Variants in BLTP1 observed in about 807,000 individuals in gnomAD.
The protein encoded by BLTP1 is fragile site-associated protein.
At chr4:122,295,850 T>C in the BLTP1 span, among the ~76,000 whole-genome samples, 2 of 152,158 alleles carry the variant, frequency 1.3e-5, no homozygotes, top group East Asian at 3.9e-4. Context: ...ATTATCTCAA[T>C]AGATGCATAA....
At chr4:122,341,925 C>G in the BLTP1 span, 3 of 586,964 alleles carry the variant, frequency 5.1e-6, no homozygotes, top group Non-Finnish European at 2.1e-6. Flanking sequence ...ATACAAAATG[C>G]ACGAAGAAGA....
the BLTP1 span, chr4:122,300,823 G>A: frequency 1.5e-6 from 1 of 655,582 alleles, no homozygotes. Context: ...AGATAGGCAG[G>A]CAGAATGTTT....
chr4:122,302,104 AAACTT>A, the BLTP1 span: 1 of 267,050 alleles, frequency 3.7e-6, no homozygotes, highest in Non-Finnish European at 5.8e-6. Context: ...TTTTAATAGA[AAACTT>A]AATATTTCCA....
the BLTP1 span, chr4:122,248,215 C>G: frequency 2.5e-5 from 18 of 719,284 alleles, no homozygotes; most frequent in Non-Finnish European, 3.1e-5. Flanking sequence ...AGTCCTAAAA[C>G]TGGTGAAAAA....
chr4:122,305,584 C>T, the BLTP1 span: 1 of 981,936 alleles, frequency 1.0e-6, no homozygotes, highest in Non-Finnish European at 1.2e-6. Context: ...CTTGTCATCT[C>T]TTAGAGGTTC....
At chr4:122,188,093 G>GA in the BLTP1 span, 46 of 1,464,584 alleles carry the variant, frequency 3.1e-5, no homozygotes, top group Non-Finnish European at 4.1e-5. Flanking sequence ...TGATGAGTAA[G>GA]AAAATCTTAT....
the BLTP1 span, chr4:122,349,955 A>G: frequency 6.2e-7 from 1 of 1,613,838 alleles, no homozygotes; most frequent in Non-Finnish European, 8.5e-7. This position sits in a 1 kb window ranked among gnomAD's most constrained non-coding sequence, Gnocchi z 4.5. Flanking sequence ...ATGAAGCTCC[A>G]GGAATTTTTC....
At chr4:122,270,917 T>C in the BLTP1 span, 1 of 1,412,030 alleles carries the variant, frequency 7.1e-7, no homozygotes, top group South Asian at 1.5e-5. Context: ...TTAAGACTCA[T>C]ATTTTACCTT....
the BLTP1 span, chr4:122,306,169 T>C: frequency 1.1e-6 from 1 of 941,100 alleles, no homozygotes; most frequent in Non-Finnish European, 1.5e-6. Context: ...ATCTGAAATG[T>C]GTGTATCCAA....
chr4:122,353,830 T>C, the BLTP1 span: 2 of 1,610,518 alleles, frequency 1.2e-6, no homozygotes, highest in Admixed American at 1.7e-5. The surrounding 1 kb of genome is among the most constrained non-coding windows in gnomAD (Gnocchi z 4.3). Context: ...GTGATCATTC[T>C]ACATATATTG....
the BLTP1 span, chr4:122,249,382 T>C: frequency 6.6e-7 from 1 of 1,504,872 alleles, no homozygotes; most frequent in Non-Finnish European, 8.9e-7. Context: ...AGCACTAAGA[T>C]ATCTTTTAAA....
the BLTP1 span, chr4:122,274,491 A>AT: frequency 1.9e-6 from 3 of 1,561,988 alleles, no homozygotes; most frequent in Non-Finnish European, 2.6e-6. Context: ...AAAAATGGAA[A>AT]TTCTTTGGAT....
the BLTP1 span, chr4:122,356,770 CTT>C: frequency 8.7e-3 from 13,909 of 1,602,618 alleles, 79 homozygotes; most frequent in Non-Finnish European, 0.01. Context: ...GTGGAATACT[CTT>C]TTTCTTTTAG....
chr4:122,309,607 A>G, the BLTP1 span: 1 of 840,600 alleles, frequency 1.2e-6, no homozygotes, highest in Non-Finnish European at 1.8e-6. Context: ...TACAGGTAAC[A>G]AACCATATTC....
At chr4:122,191,509 G>T in the BLTP1 span, among the ~76,000 whole-genome samples, 6 of 152,090 alleles carry the variant, frequency 3.9e-5, no homozygotes, top group Non-Finnish European at 7.4e-5. Flanking sequence ...GCATTACTCA[G>T]TGAACCCGTA....
the BLTP1 span, among the ~76,000 whole-genome samples, chr4:122,358,402 G>A: frequency 2.0e-5 from 3 of 152,122 alleles, no homozygotes; most frequent in Non-Finnish European, 4.4e-5. Context: ...ATGGGAAAAG[G>A]GGGTGGATTT....
chr4:122,257,397 C>T, the BLTP1 span: 2 of 1,613,994 alleles, frequency 1.2e-6, no homozygotes. Context: ...CCTCAAATAG[C>T]TATGGACCAT....
chr4:122,350,491 A>AAATATTTATTAAGCTACAACCATGTG, the BLTP1 span: 1 of 632,026 alleles, frequency 1.6e-6, no homozygotes, highest in Non-Finnish European at 2.0e-6. Flanking sequence ...TATTCTAGGC[A>AAATATTTATTAAGCTACAACCATGTG]CAGGAGATCT....
chr4:122,295,264 C>T, the BLTP1 span, among the ~76,000 whole-genome samples: 9 of 146,432 alleles, frequency 6.1e-5, no homozygotes, highest in Middle Eastern at 3.5e-3. Context: ...TGCAGAGAAC[C>T]CCAGTAAGAC....
Sources: allele counts gnomAD v4.1 joint callset (sites outside exome capture counted in the v4.1 genomes callset), GRCh38; gene constraint gnomAD v4.1.1; non-coding constraint Gnocchi (gnomAD v3.1); transcripts MANE v1.5; gene names NCBI Gene and HGNC (gene_info 2026-07-23, HGNC 2026-07-21).